CCSER1: variants seen among roughly 807,000 people sequenced by gnomAD.
The protein encoded by CCSER1 is coiled-coil serine rich protein 1, also known as serine-rich coiled-coil domain-containing protein 1.
Under a neutral mutation model 82.0 loss-of-function variants are expected in CCSER1, and 41 were observed. The ratio of observed to expected loss-of-function variants is 0.50; its 90% CI spans 0.39 to 0.65. The LOEUF is 0.65. CCSER1 is among the 30% of genes least tolerant of loss of function. The probability of loss-of-function intolerance (pLI) is 0.00; values close to 1 mark genes in which losing one functional copy is unlikely to be tolerated. For synonymous variants in CCSER1, 414 were observed against 383.9 expected, an observed-to-expected ratio of 1.08 and a Z score of -0.92; for missense variants, 1,119 against 1,064.2, an observed-to-expected ratio of 1.05 and a Z score of -0.72.
chr4:90,255,780 A>G (rs963441267), intron 1 of CCSER1, among the ~76,000 whole-genome samples: 1 of 152,222 alleles, frequency 6.6e-6, no homozygotes, highest in Admixed American at 6.5e-5. Flanking sequence ...ACAGATTGCC[A>G]GTAGTTAGTG....
intron 6 of CCSER1, among the ~76,000 whole-genome samples, chr4:90,688,315 G>C (rs993578101): frequency 6.6e-6 from 1 of 152,014 alleles, no homozygotes; most frequent in Non-Finnish European, 1.5e-5. Flanking sequence ...GTGTGCACGT[G>C]CATGTGTGTG....
chr4:90,808,564 A>C (rs954368670), intron 7 of CCSER1, among the ~76,000 whole-genome samples: 2 of 152,174 alleles, frequency 1.3e-5, no homozygotes, highest in Non-Finnish European at 2.9e-5. Flanking sequence ...AATCCCATCA[A>C]AAAGTGGGTA....
At chr4:90,740,222 C>A (rs1561049985) in intron 7 of CCSER1, among the ~76,000 whole-genome samples, 1 of 151,994 alleles carries the variant, frequency 6.6e-6, no homozygotes. Context: ...TATCAACTAC[C>A]AAACAAGACT....
chr4:90,431,605 G>A (rs1758289814), intron 4 of CCSER1, among the ~76,000 whole-genome samples: 1 of 152,070 alleles, frequency 6.6e-6, no homozygotes, highest in Admixed American at 6.6e-5. Flanking sequence ...TCTGTAGCTA[G>A]GAGAGTGTGT....
chr4:91,404,799 A>C (rs1264816810), intron 10 of CCSER1, among the ~76,000 whole-genome samples: 1 of 152,150 alleles, frequency 6.6e-6, no homozygotes, highest in Non-Finnish European at 1.5e-5. Context: ...TTTGCTGAGG[A>C]GTGCTTTACT....
intron 1 of CCSER1, among the ~76,000 whole-genome samples, chr4:90,203,218 T>G (rs182663254): frequency 4.3e-4 from 65 of 152,314 alleles, no homozygotes; most frequent in African/African-American, 1.3e-3. Flanking sequence ...TTTATTAGAC[T>G]TTAAGTTCTG....
chr4:90,890,828 A>C (rs989730936), intron 8 of CCSER1, among the ~76,000 whole-genome samples: 2 of 152,046 alleles, frequency 1.3e-5, no homozygotes, highest in Non-Finnish European at 2.9e-5. Context: ...ATTTTGATTT[A>C]TTTTGTTTTG....
intron 9 of CCSER1, among the ~76,000 whole-genome samples, chr4:90,949,308 TAAG>T (rs1427368787): frequency 6.6e-6 from 1 of 152,066 alleles, no homozygotes; most frequent in Non-Finnish European, 1.5e-5. Flanking sequence ...TCTTTACCCT[TAAG>T]AAGAATAAAA....
chr4:90,480,105 A>G (rs966310159), intron 5 of CCSER1, among the ~76,000 whole-genome samples: 1 of 152,132 alleles, frequency 6.6e-6, no homozygotes, highest in African/African-American at 2.4e-5. Context: ...TGTGGTTTTG[A>G]TTGACATTTC....
chr4:91,403,984 T>C (rs1280081921), intron 10 of CCSER1, among the ~76,000 whole-genome samples: 2 of 152,178 alleles, frequency 1.3e-5, no homozygotes, highest in African/African-American at 4.8e-5. Context: ...CCAGCTCCTC[T>C]TTGTACCTCT....
At chr4:91,180,720 C>T (rs748099951) in intron 10 of CCSER1, among the ~76,000 whole-genome samples, 11 of 152,176 alleles carry the variant, frequency 7.2e-5, no homozygotes, top group Admixed American at 4.6e-4. Flanking sequence ...CCTAACTCAG[C>T]GGCACTAGAG....
At chr4:90,567,274 A>G (rs886927445) in intron 5 of CCSER1, among the ~76,000 whole-genome samples, 3 of 144,434 alleles carry the variant, frequency 2.1e-5, no homozygotes, top group Admixed American at 6.8e-5. Flanking sequence ...ATAGGTTTTG[A>G]TATGTTATGT....
At chr4:90,403,274 T>C (rs201450226) in intron 4 of CCSER1, among the ~76,000 whole-genome samples, 1,515 of 151,368 alleles carry the variant, frequency 0.01, 11 homozygotes, top group South Asian at 0.03. Flanking sequence ...CTGAGGCGGG[T>C]GGATCACGAG....
At chr4:91,505,592 C>T (rs2110102946) in intron 10 of CCSER1, among the ~76,000 whole-genome samples, 1 of 152,302 alleles carries the variant, frequency 6.6e-6, no homozygotes, top group Admixed American at 6.5e-5. Context: ...TTCTCCACAG[C>T]CTTGCCAACA....
intron 10 of CCSER1, among the ~76,000 whole-genome samples, chr4:91,201,818 T>G (rs1307869169): frequency 1.3e-5 from 2 of 152,034 alleles, no homozygotes; most frequent in Non-Finnish European, 2.9e-5. Flanking sequence ...AATAAGCACT[T>G]TCTTTAGGAT....
intron 3 of CCSER1, among the ~76,000 whole-genome samples, chr4:90,322,749 T>A (rs1737396267): frequency 6.6e-6 from 1 of 152,158 alleles, no homozygotes; most frequent in Admixed American, 6.5e-5. Flanking sequence ...CAAAGTCTCT[T>A]TTTCTCTTCC....
At position 91,575,168 on chromosome 4, in the gene CCSER1, G is replaced by C. The variant is rs2110295719; in HGVS notation, c.2218-23404G>C. Among the ~76,000 whole-genome samples, 4 of 152,030 alleles carry C rather than the reference G, an allele frequency of 2.6e-5. No individual in the cohort carries two copies. In the Middle Eastern group the frequency reaches 0.014, roughly 517 times the overall value. The stretch of plus-strand genomic sequence containing the variant: ...GGGAAAACTGAATATCCATGTGCAA[G>C]TAAAAAGTGAAATGAGATCCATATC... On this transcript the variant is annotated intron_variant, in intron 10 of 10. Transcript: ENST00000509176.
intron 9 of CCSER1, among the ~76,000 whole-genome samples, chr4:90,933,960 T>C (rs1395177986): frequency 6.6e-6 from 1 of 151,820 alleles, no homozygotes; most frequent in African/African-American, 2.4e-5. Flanking sequence ...ATGGCACATA[T>C]CCTTTAGAAG....
At chr4:91,018,351 G>A (rs924000137) in intron 9 of CCSER1, among the ~76,000 whole-genome samples, 1 of 151,904 alleles carries the variant, frequency 6.6e-6, no homozygotes, top group African/African-American at 2.4e-5. Flanking sequence ...CTATCAAATC[G>A]GGTTGAATTT....
Sources: allele counts gnomAD v4.1 joint callset (sites outside exome capture counted in the v4.1 genomes callset), GRCh38; gene constraint gnomAD v4.1.1; transcripts MANE v1.5; gene names NCBI Gene and HGNC (gene_info 2026-07-23, HGNC 2026-07-21).